Variants in FARS2 observed in about 807,000 individuals in gnomAD.
The protein encoded by FARS2 is phenylalanine--tRNA ligase, mitochondrial.
FARS2 carries 40 observed loss-of-function variants against 46.4 expected under a neutral mutation model. The observed-to-expected ratio is 0.86, with a 90% CI of 0.67 to 1.12. The LOEUF (loss-of-function observed/expected upper bound fraction) is 1.12. FARS2 is among the 50% of genes most tolerant of loss of function. The pLI is 0.00. For synonymous variants in FARS2, 234 were observed against 214.9 expected, an observed-to-expected ratio of 1.09 and a Z score of -0.78; for missense variants, 513 against 567.9, an observed-to-expected ratio of 0.90 and a Z score of 0.98.
At chr6:5,710,605 C>A (rs1454599654) in intron 6 of FARS2, among the ~76,000 whole-genome samples, 2 of 152,214 alleles carry the variant, frequency 1.3e-5, no homozygotes, top group Admixed American at 6.5e-5. Context: ...GGACCCCACA[C>A]AAAGCCCAGG....
At chr6:5,770,009 C>T (rs898663827) in intron 6 of FARS2, among the ~76,000 whole-genome samples, 39 of 152,280 alleles carry the variant, frequency 2.6e-4, no homozygotes, top group African/African-American at 9.1e-4. Flanking sequence ...GACTCTCATG[C>T]ACCAGGCATA....
chr6:5,259,953 G>C (rs114202039), upstream of FARS2, among the ~76,000 whole-genome samples: 633 of 152,268 alleles, frequency 4.2e-3, 2 homozygotes, highest in African/African-American at 0.015. Context: ...TAGGCAAATA[G>C]GGGAGTGGGG....
chr6:5,310,138 A>G (rs988044670), intron 1 of FARS2, among the ~76,000 whole-genome samples: 3 of 152,206 alleles, frequency 2.0e-5, no homozygotes, highest in African/African-American at 7.2e-5. Context: ...TCAAATCACT[A>G]GGGAAAGTAG....
chr6:5,459,846 T>A (rs1413636890), intron 4 of FARS2, among the ~76,000 whole-genome samples: 3 of 152,102 alleles, frequency 2.0e-5, no homozygotes, highest in Non-Finnish European at 4.4e-5. Flanking sequence ...GACATCTGAG[T>A]CTTTGGAATC....
chr6:5,325,394 T>A (rs1210974446), intron 1 of FARS2, among the ~76,000 whole-genome samples: 1 of 152,272 alleles, frequency 6.6e-6, no homozygotes, highest in Non-Finnish European at 1.5e-5. Context: ...TGCCCCCTCC[T>A]GCCATCCAGT....
chr6:5,454,581 T>G (rs950624650), intron 4 of FARS2, among the ~76,000 whole-genome samples: 1 of 152,160 alleles, frequency 6.6e-6, no homozygotes, highest in African/African-American at 2.4e-5. Flanking sequence ...CCTGACCTTG[T>G]GACCCACCCA....
intron 1 of FARS2, among the ~76,000 whole-genome samples, chr6:5,349,006 G>T (rs1310950521): frequency 6.6e-6 from 1 of 152,148 alleles, no homozygotes; most frequent in Non-Finnish European, 1.5e-5. Flanking sequence ...AAGACATTCA[G>T]ATTAGAAAGG....
intron 6 of FARS2, among the ~76,000 whole-genome samples, chr6:5,622,971 A>T (rs1775849883): frequency 6.6e-6 from 1 of 152,178 alleles, no homozygotes; most frequent in South Asian, 2.1e-4. Flanking sequence ...ATAGTTTATG[A>T]GAAGTAGAGT....
At chr6:5,363,239 T>G (rs1225256620) in intron 1 of FARS2, among the ~76,000 whole-genome samples, 1 of 152,168 alleles carries the variant, frequency 6.6e-6, no homozygotes, top group Non-Finnish European at 1.5e-5. Flanking sequence ...TTGCCCATTT[T>G]TAAGTTATTT....
At chr6:5,316,528 A>T (rs1769530170) in intron 1 of FARS2, among the ~76,000 whole-genome samples, 1 of 152,170 alleles carries the variant, frequency 6.6e-6, no homozygotes, top group South Asian at 2.1e-4. Flanking sequence ...TGAGAAGTGG[A>T]GAGAGGATAC....
chr6:5,329,939 T>TA (rs1299972162), intron 1 of FARS2, among the ~76,000 whole-genome samples: 1 of 152,218 alleles, frequency 6.6e-6, no homozygotes, highest in Non-Finnish European at 1.5e-5. Context: ...GTCATTGCCT[T>TA]AATTAATCTC....
At chr6:5,260,807 C>T, upstream of FARS2, 1 of 1,530,516 alleles carries the variant, frequency 6.5e-7, no homozygotes, top group Non-Finnish European at 8.7e-7. Context: ...GAAACTCCAG[C>T]CTGTGCGGAA....
chr6:5,366,247 C>G (rs889174372), intron 1 of FARS2, among the ~76,000 whole-genome samples: 1 of 152,154 alleles, frequency 6.6e-6, no homozygotes, highest in African/African-American at 2.4e-5. Flanking sequence ...ACGAACAATA[C>G]TTACATCACA....
chr6:5,754,491 C>G (rs1762108880), intron 6 of FARS2, among the ~76,000 whole-genome samples: 1 of 152,214 alleles, frequency 6.6e-6, no homozygotes, highest in African/African-American at 2.4e-5. Context: ...AACTTAGTTT[C>G]CATAGGTTGT....
chr6:5,582,504 A>G (rs1773394536), intron 5 of FARS2, among the ~76,000 whole-genome samples: 1 of 152,234 alleles, frequency 6.6e-6, no homozygotes, highest in Non-Finnish European at 1.5e-5. Context: ...GAGGGAACTG[A>G]CATTTAGAGA....
At chr6:5,505,600 G>T (rs555085913) in intron 4 of FARS2, among the ~76,000 whole-genome samples, 1 of 152,144 alleles carries the variant, frequency 6.6e-6, no homozygotes, top group African/African-American at 2.4e-5. Flanking sequence ...CACAATCCAC[G>T]TTCTTCTGCC....
intron 4 of FARS2, among the ~76,000 whole-genome samples, chr6:5,473,251 G>C (rs1765902211): frequency 6.6e-6 from 1 of 152,178 alleles, no homozygotes; most frequent in Non-Finnish European, 1.5e-5. Flanking sequence ...TCCTGGCCAG[G>C]CGCGGTGGCT....
rs551272118 is a variant in FARS2, at chr6:5,572,049, T to C, written c.1065+26709T>C. On this transcript the variant is annotated intron_variant, in intron 5 of 6. Coordinates refer to ENST00000274680, the MANE Select transcript of FARS2 (RefSeq NM_006567.5). Reference sequence around the variant, plus strand: ...AGCCCCCAAAGTTATCTTTTTCCTGTTTGGACATGTTGTTTTCATGTTGAA... The same window carrying C: ...AGCCCCCAAAGTTATCTTTTTCCTGCTTGGACATGTTGTTTTCATGTTGAA... Among the ~76,000 whole-genome samples, 6 of 152,332 alleles carry C rather than the reference T, an allele frequency of 3.9e-5. No individual in the cohort carries two copies. In the East Asian group the frequency reaches 1.2e-3, roughly 29 times the overall value.
chr6:5,632,234 C>T (rs967686451), intron 6 of FARS2, among the ~76,000 whole-genome samples: 11 of 152,134 alleles, frequency 7.2e-5, no homozygotes, highest in African/African-American at 2.7e-4. Flanking sequence ...TCTTCACAGG[C>T]GAGACGTGCT....
Sources: gnomAD v4.1 joint callset for allele counts (sites outside exome capture counted in the v4.1 genomes callset) on GRCh38, gnomAD v4.1.1 for gene constraint, MANE v1.5 for transcripts, NCBI Gene and HGNC (gene_info 2026-07-23, HGNC 2026-07-21) for gene names.